GPC5: variants seen among roughly 807,000 people sequenced by gnomAD.
The protein encoded by GPC5 is glypican 5.
In GPC5, 47 loss-of-function variants were observed where a neutral mutation model predicts 53.9. That is an observed-to-expected ratio of 0.87 (90% CI 0.69 to 1.11). The LOEUF (loss-of-function observed/expected upper bound fraction) is 1.11, where lower values mean the gene tolerates loss of function less well. Ranked by LOEUF, GPC5 falls within the 50% of genes most tolerant of loss-of-function variation. The pLI is 0.00. For synonymous variants in GPC5, 286 were observed against 263.3 expected (o/e 1.09, Z -0.84); for missense variants, 748 against 713.1 (o/e 1.05, Z -0.56).
At chr13:92,535,942 A>T (rs1566281056) in intron 7 of GPC5, among the ~76,000 whole-genome samples, 1 of 152,198 alleles carries the variant, frequency 6.6e-6, no homozygotes, top group Non-Finnish European at 1.5e-5. Flanking sequence ...TTAAATTAAG[A>T]TGCAAACATG....
At chr13:92,454,039 C>G (rs917350673) in intron 7 of GPC5, among the ~76,000 whole-genome samples, 1 of 152,118 alleles carries the variant, frequency 6.6e-6, no homozygotes, top group Non-Finnish European at 1.5e-5. Context: ...CTAACTATAT[C>G]CCATGATACA....
chr13:91,941,264 G>A (rs957555034), intron 6 of GPC5, among the ~76,000 whole-genome samples: 11 of 152,124 alleles, frequency 7.2e-5, no homozygotes, highest in African/African-American at 2.7e-4. Context: ...TTATAGCATA[G>A]TTTGAAGTCA....
rs189380894 is a variant in GPC5 at position 91,865,919 on chromosome 13, G to C, written c.1281-42018G>C. 4.4e-3 allele frequency among the ~76,000 whole-genome samples: 666 copies of C among 152,238 alleles called. 4 individuals are homozygous for C. The highest frequency in any genetic ancestry group is 0.016 in the African/African-American group (644 of 41,548). On this transcript the variant is annotated intron_variant, in intron 5 of 7. Transcript: ENST00000377067. Reference sequence around the variant, plus strand: ...TTTCACTCTTGTGGCCCAGGCTTGAGTGCAATAGCACGATCTCTGCTCGCC... The same window carrying C: ...TTTCACTCTTGTGGCCCAGGCTTGACTGCAATAGCACGATCTCTGCTCGCC...
chr13:91,947,291 T>C (rs769300289), intron 6 of GPC5, among the ~76,000 whole-genome samples: 28 of 152,138 alleles, frequency 1.8e-4, no homozygotes, highest in Non-Finnish European at 3.5e-4. Flanking sequence ...AAAAAAAATA[T>C]AAAGAAAATG....
chr13:92,593,138 A>C (rs1883767033), intron 7 of GPC5, among the ~76,000 whole-genome samples: 1 of 151,168 alleles, frequency 6.6e-6, no homozygotes, highest in Admixed American at 6.6e-5. Flanking sequence ...TGATTTAAGC[A>C]TGGGTGGATA....
chr13:92,542,165 T>C (rs951424272), intron 7 of GPC5, among the ~76,000 whole-genome samples: 2 of 151,980 alleles, frequency 1.3e-5, no homozygotes, highest in African/African-American at 4.8e-5. Context: ...ACCTCATACA[T>C]TTATCATTTC....
chr13:92,623,801 A>G (rs1164103656), intron 7 of GPC5, among the ~76,000 whole-genome samples: 1 of 151,958 alleles, frequency 6.6e-6, no homozygotes, highest in African/African-American at 2.4e-5. Context: ...TTTTTCAGGA[A>G]TGCAATTATT....
chr13:92,863,681 C>T (rs531745570), intron 7 of GPC5, among the ~76,000 whole-genome samples: 59 of 152,098 alleles, frequency 3.9e-4, no homozygotes, highest in African/African-American at 1.3e-3. Flanking sequence ...TTAGTAGAGA[C>T]GGGGTTTCTC....
intron 5 of GPC5, among the ~76,000 whole-genome samples, chr13:91,840,418 T>A (rs866485128): frequency 3.3e-5 from 5 of 152,132 alleles, no homozygotes; most frequent in African/African-American, 1.2e-4. Flanking sequence ...AAGGTGCAGC[T>A]GTCAATGTCC....
chr13:92,061,338 T>C (rs544272574), intron 6 of GPC5, among the ~76,000 whole-genome samples: 9 of 152,170 alleles, frequency 5.9e-5, no homozygotes, highest in South Asian at 2.1e-4. Context: ...TCAAATCAGG[T>C]GTGCTATGCT....
At chr13:92,783,638 T>C (rs76226219) in intron 7 of GPC5, among the ~76,000 whole-genome samples, 3,030 of 152,288 alleles carry the variant, frequency 0.02, 106 homozygotes, top group African/African-American at 0.07. Flanking sequence ...TTCCCTGATA[T>C]AATTTCACAA....
At chr13:91,656,364 A>G (rs138696742) in intron 2 of GPC5, among the ~76,000 whole-genome samples, 1 of 152,302 alleles carries the variant, frequency 6.6e-6, no homozygotes, top group African/African-American at 2.4e-5. Context: ...TCAAGAATGT[A>G]TCCATCATGA....
chr13:92,249,861 A>C (rs980007737), intron 7 of GPC5, among the ~76,000 whole-genome samples: 1 of 152,056 alleles, frequency 6.6e-6, no homozygotes, highest in Non-Finnish European at 1.5e-5. Flanking sequence ...GCATAGTGTA[A>C]GTGTTATCCA....
chr13:91,648,471 G>GAT (rs1298443077), intron 2 of GPC5, among the ~76,000 whole-genome samples: 1 of 151,766 alleles, frequency 6.6e-6, no homozygotes, highest in Non-Finnish European at 1.5e-5. Flanking sequence ...TGTATTTTTT[G>GAT]ATATATATAA....
intron 7 of GPC5, among the ~76,000 whole-genome samples, chr13:92,187,238 T>A (rs1434591278): frequency 1.3e-5 from 2 of 152,342 alleles, no homozygotes; most frequent in East Asian, 3.9e-4. Flanking sequence ...AAGAATGGAT[T>A]GCAGTAGGTT....
In GPC5 at chr13:91,828,347, ATAGGTAGGTAGG is replaced by A. The variant is rs144877705; in HGVS notation, c.1280+71956_1280+71967del. On this transcript the variant is annotated intron_variant, in intron 5 of 7. Coordinates refer to ENST00000377067, the MANE Select transcript of GPC5 (RefSeq NM_004466.6). ...ATGTCCTTCCAATATAGATAGGTAG[ATAGGTAGGTAGG>A]TAGGTAGGTAGGTAGGTAGGTAGGT... Among the ~76,000 whole-genome samples, 1,273 of 150,162 alleles carry A rather than the reference ATAGGTAGGTAGG, an allele frequency of 8.5e-3. 5 individuals carry two copies. The highest frequency in any genetic ancestry group is 0.014 in the African/African-American group (587 of 40,752).
intron 7 of GPC5, among the ~76,000 whole-genome samples, chr13:92,406,663 T>G (rs1212387697): frequency 6.6e-6 from 1 of 152,168 alleles, no homozygotes; most frequent in Non-Finnish European, 1.5e-5. Flanking sequence ...TACTCAAAAA[T>G]GTATAGGCAA....
intron 7 of GPC5, among the ~76,000 whole-genome samples, chr13:92,636,829 G>A (rs1164249303): frequency 1.3e-5 from 2 of 152,068 alleles, no homozygotes; most frequent in Non-Finnish European, 2.9e-5. Flanking sequence ...TATCTCACGT[G>A]CATCTAAAAC....
chr13:92,656,812 T>G (rs1171127931), intron 7 of GPC5, among the ~76,000 whole-genome samples: 1 of 152,162 alleles, frequency 6.6e-6, no homozygotes, highest in Non-Finnish European at 1.5e-5. Flanking sequence ...AACGTATCCA[T>G]GCATGGTGGC....
Sources: allele counts gnomAD v4.1 joint callset (sites outside exome capture counted in the v4.1 genomes callset), GRCh38; gene constraint gnomAD v4.1.1; transcripts MANE v1.5; gene names NCBI Gene and HGNC (gene_info 2026-07-23, HGNC 2026-07-21).